The following KIF5B variants were observed in gnomAD, a reference collection of about 807,000 sequenced individuals.
The protein encoded by KIF5B is kinesin family member 5B, also known as kinesin-1 heavy chain.
In KIF5B, 49 loss-of-function variants were observed where a neutral mutation model predicts 132.8. The ratio of observed to expected loss-of-function variants is 0.37; its 90% CI spans 0.29 to 0.47. KIF5B has a LOEUF of 0.47. Ranked by LOEUF, KIF5B falls within the 20% of genes least tolerant of loss-of-function variation. The pLI is 1.00. For synonymous variants in KIF5B, 355 were observed against 369.4 expected, an observed-to-expected ratio of 0.96 and a Z score of 0.45; for missense variants, 780 against 1,144.0, an observed-to-expected ratio of 0.68 and a Z score of 4.59.
intron 25 of KIF5B, among the ~76,000 whole-genome samples, chr10:32,014,565 G>C (rs972729896): frequency 6.6e-6 from 1 of 151,572 alleles, no homozygotes; most frequent in Non-Finnish European, 1.5e-5. Flanking sequence ...GAGAGAGAGA[G>C]AGAGATAGTA....
intron 13 of KIF5B, among the ~76,000 whole-genome samples, 175 bp downstream of exon 13, chr10:32,032,531 G>GT (rs1294769426): frequency 6.6e-6 from 1 of 152,166 alleles, no homozygotes; most frequent in African/African-American, 2.4e-5. Flanking sequence ...ACAACAGATT[G>GT]TATCTGGGTA....
intron 20 of KIF5B, among the ~76,000 whole-genome samples, chr10:32,019,232 A>G (rs140085448): frequency 6.8e-4 from 103 of 152,354 alleles, no homozygotes; most frequent in African/African-American, 2.4e-3. Context: ...CAAGTATTCT[A>G]AACAAAATTA....
intron 25 of KIF5B, 43 bp from the exon 26 acceptor site, chr10:32,011,559 C>CAAT (rs1473930327): frequency 6.6e-6 from 1 of 152,018 alleles, no homozygotes; most frequent in Non-Finnish European, 1.5e-5. Flanking sequence ...TTTAGTTTTA[C>CAAT]AAAATTGGTG....
chr10:32,012,264 G>A (rs1210738884), intron 25 of KIF5B, among the ~76,000 whole-genome samples: 1 of 152,176 alleles, frequency 6.6e-6, no homozygotes, highest in Admixed American at 6.5e-5. Flanking sequence ...CCTGCGGTCA[G>A]GAGTTCAATA....
Position 32,031,107 on chromosome 10 carries a change from T to A in KIF5B, c.1547A>T (p.Tyr516Phe). The A allele has an allele frequency of 6.2e-7, 1 of 1,612,214 alleles. No homozygotes were observed. Among genetic ancestry groups the A allele is most frequent in the Non-Finnish European group, 8.5e-7 (1 of 1,178,430 alleles). ...ATTCAATTCATCACTAAGCAATTCA[T>A]ATTCCTTAGTTTTGTCTTCAACTTC... ...SQEVEDKTKE[Y>F]ELLSDELNQK... The change falls in exon 14 of 26, where the codon TAT becomes TTT. Residue 516 changes from tyrosine to phenylalanine, a missense_variant. By Grantham distance (22) the Tyr-to-Phe change is conservative. Transcript: ENST00000302418.
At chr10:32,040,657 A>ACACACACACACACACACACC (rs370537671) in intron 2 of KIF5B, among the ~76,000 whole-genome samples, 200 bp from the exon 3 acceptor site, 5 of 137,574 alleles carry the variant, frequency 3.6e-5, no homozygotes, top group Admixed American at 7.4e-5. Context: ...ACACACACAC[A>ACACACACACACACACACACC]CCCTCTTCCT....
intron 14 of KIF5B, 92 bp downstream of exon 14, chr10:32,030,981 G>A: frequency 2.4e-6 from 2 of 849,276 alleles, no homozygotes; most frequent in Non-Finnish European, 3.6e-6. Context: ...ATCGATATTT[G>A]ACTTACATAG....
intron 9 of KIF5B, 72 bp downstream of exon 9, chr10:32,035,818 G>T: frequency 7.5e-7 from 1 of 1,336,366 alleles, no homozygotes; most frequent in Non-Finnish European, 1.0e-6. Context: ...TACACACCCA[G>T]GCACACATAT....
intron 2 of KIF5B, among the ~76,000 whole-genome samples, chr10:32,043,048 CGCAACCTCGGCTCACT>C (rs572314011): frequency 0.014 from 2,089 of 152,076 alleles, 48 homozygotes; most frequent in African/African-American, 0.045. Flanking sequence ...AGTGCAGTGG[CGCAACCTCGGCTCACT>C]GCAACCTCGG....
chr10:32,037,473 T>C, intron 7 of KIF5B, 47 bp downstream of exon 7: 4 of 1,587,610 alleles, frequency 2.5e-6, no homozygotes, highest in Non-Finnish European at 3.5e-6. Context: ...TGGATAAGGA[T>C]ATTTTAAGCT....
Position 32,010,479 on chromosome 10 carries a change from G to T in KIF5B, c.*1058C>A, listed in dbSNP as rs7358234. 744 of 152,216 alleles carry T rather than the reference G, an allele frequency of 4.9e-3. 10 individuals carry two copies. The highest frequency in any genetic ancestry group is 0.017 in the African/African-American group (708 of 41,552). The allele number at this position is 152,216 out of a possible 1,614,324, so 9.4% of individuals were successfully genotyped here. ...GGTTAAAAACACCTCAGGGATTTCAGACCAAAATTGACCTATATATATTTT... is the reference window on the plus strand; with the variant it reads ...GGTTAAAAACACCTCAGGGATTTCATACCAAAATTGACCTATATATATTTT... On this transcript the variant is annotated 3_prime_UTR_variant, in exon 26 of 26. Transcript: ENST00000302418.
chr10:32,039,503 T>A (rs1841504740), intron 3 of KIF5B, 72 bp from the exon 4 acceptor site: 1 of 728,352 alleles, frequency 1.4e-6, no homozygotes, highest in Non-Finnish European at 2.3e-6. Context: ...AGTTTCAATC[T>A]ACAACTTATA....
intron 1 of KIF5B, among the ~76,000 whole-genome samples, chr10:32,054,345 C>T (rs1465771233): frequency 6.6e-6 from 1 of 152,222 alleles, no homozygotes; most frequent in Non-Finnish European, 1.5e-5. Flanking sequence ...GTCATTTACA[C>T]ACGAGTTTTT....
chr10:32,023,043 G>A lies in KIF5B; in HGVS notation c.1726-7C>T, dbSNP rs200421204. The stretch of plus-strand genomic sequence containing the variant: ...TGCCAGTTCCCTCAGGCTGCTGTAA[G>A]GAAAAAGTAAAATAAAAAATTAAAG... On this transcript the variant is annotated splice_polypyrimidine_tract_variant and splice_region_variant and intron_variant, in intron 15 of 25. Coordinates refer to ENST00000302418, the MANE Select transcript of KIF5B (RefSeq NM_004521.3). 137 of 1,494,550 alleles carry A rather than the reference G, an allele frequency of 9.2e-5. No individual in the cohort carries two copies. The highest frequency in any genetic ancestry group is 2.5e-4 in the Admixed American group (12 of 47,586). The allele number at this position is 1,494,550 out of a possible 1,614,324, so 92.6% of individuals were successfully genotyped here.
intron 15 of KIF5B, among the ~76,000 whole-genome samples, chr10:32,027,138 C>T (rs189892714): frequency 1.5e-4 from 23 of 152,264 alleles, no homozygotes; most frequent in Middle Eastern, 3.4e-3. Flanking sequence ...AAAACTTTTA[C>T]GTCAGTTCCA....
chr10:32,023,909 ACAG>A (rs1047934725), intron 15 of KIF5B, among the ~76,000 whole-genome samples: 5 of 152,078 alleles, frequency 3.3e-5, no homozygotes, highest in African/African-American at 4.8e-5. Context: ...AACTTTTAAC[ACAG>A]GAGAAAATCT....
In KIF5B at chr10:32,023,179, T is replaced by A. The variant is rs1841288291; in HGVS notation, c.1726-143A>T. 6.7e-6 allele frequency: 3 copies of A among 447,764 alleles called. No homozygotes were observed. In the Admixed American group the frequency reaches 1.2e-4, roughly 18 times the overall value. The allele number at this position is 447,764 out of a possible 1,614,324, so 27.7% of individuals were successfully genotyped here. On this transcript the variant is annotated intron_variant, in intron 15 of 25. Coordinates refer to ENST00000302418, the MANE Select transcript of KIF5B (RefSeq NM_004521.3). ...AAGTCTGGATCTTATTTTTTTCTTT[T>A]ATTACTGTTTTCAACGAAAGGTAAA...
In KIF5B at chr10:32,019,464, A is replaced by G. The variant is rs1329437972; in HGVS notation, c.2306+394T>C. Among the ~76,000 whole-genome samples, 3 of 152,234 alleles carry G rather than the reference A, an allele frequency of 2.0e-5. No individual in the cohort carries two copies. The East Asian group carries it at 5.8e-4, about 29-fold the overall frequency. The stretch of plus-strand genomic sequence containing the variant: ...AACCTCTGTTCAAAATGGCAAGGCT[A>G]AACACCACAATGCTCTTTTATGCAA... On this transcript the variant is annotated intron_variant, in intron 20 of 25. Coordinates refer to ENST00000302418, the MANE Select transcript of KIF5B (RefSeq NM_004521.3).
chr10:32,031,359 A>T, intron 13 of KIF5B, 80 bp from the exon 14 acceptor site: 5 of 1,049,926 alleles, frequency 4.8e-6, no homozygotes, highest in Non-Finnish European at 7.1e-6. Flanking sequence ...CCATTTGTCA[A>T]GAACAAATGG....
Sources: allele counts gnomAD v4.1 joint callset (sites outside exome capture counted in the v4.1 genomes callset), GRCh38; gene constraint gnomAD v4.1.1; transcripts MANE v1.5; gene names NCBI Gene and HGNC (gene_info 2026-07-23, HGNC 2026-07-21).